ITGB2: variants seen among roughly 807,000 people sequenced by gnomAD.
ITGB2 encodes integrin subunit beta 2.
Under a neutral mutation model 86.8 loss-of-function variants are expected in ITGB2, and 56 were observed. That is an observed-to-expected ratio of 0.65 (90% confidence interval 0.52 to 0.81). The LOEUF is 0.81. Ranked by LOEUF, ITGB2 falls within the 30% of genes least tolerant of loss-of-function variation. The pLI, the probability that ITGB2 is intolerant of heterozygous loss-of-function variation, is 0.00. For synonymous variants in ITGB2, 457 were observed against 450.4 expected (o/e 1.01, Z -0.19); for missense variants, 948 against 1,061.2 (o/e 0.89, Z 1.48).
intron 15 of ITGB2, 126 bp from the exon 16 acceptor site, chr21:44,886,556 C>A: frequency 1.4e-6 from 2 of 1,392,766 alleles, no homozygotes; most frequent in Non-Finnish European, 2.0e-6. Flanking sequence ...GGGCAGCCCC[C>A]CCAGGGTCCC....
intron 4 of ITGB2, among the ~76,000 whole-genome samples, chr21:44,903,746 C>T (rs1056891169): frequency 3.3e-5 from 5 of 152,128 alleles, no homozygotes; most frequent in Admixed American, 3.3e-4. Context: ...ACATGACTCC[C>T]GGACGCAGGC....
intron 1 of ITGB2, among the ~76,000 whole-genome samples, chr21:44,927,469 C>G (rs1029591065): frequency 6.6e-6 from 1 of 152,088 alleles, no homozygotes; most frequent in Admixed American, 6.5e-5. Context: ...CTGGGGCCAC[C>G]CGGGAACCGC....
upstream of ITGB2, among the ~76,000 whole-genome samples, chr21:44,925,552 T>G (rs1482033442): frequency 6.6e-6 from 1 of 152,190 alleles, no homozygotes; most frequent in African/African-American, 2.4e-5. Flanking sequence ...TCTGGACTTG[T>G]GGTCTAACCC....
intron 4 of ITGB2, among the ~76,000 whole-genome samples, chr21:44,904,480 AACACACCACAAATATGCAC>A (rs2084013137): frequency 6.6e-6 from 1 of 151,768 alleles, no homozygotes; most frequent in Admixed American, 6.6e-5. Context: ...ACACACAGCA[AACACACCACAAATATGCAC>A]ACACACCACA....
chr21:44,905,991 T>A (rs1187708686), intron 4 of ITGB2, among the ~76,000 whole-genome samples: 1 of 152,126 alleles, frequency 6.6e-6, no homozygotes, highest in Non-Finnish European at 1.5e-5. Flanking sequence ...ACCCTCTCCC[T>A]GGGAGATGGC....
At chr21:44,924,157 C>T (rs55651003), upstream of ITGB2, among the ~76,000 whole-genome samples, 34,200 of 151,972 alleles carry the variant, frequency 0.23, 4,058 homozygotes, top group East Asian at 0.33. Context: ...AGGCCAGTCG[C>T]GGTGGCTCAC....
intron 8 of ITGB2, among the ~76,000 whole-genome samples, chr21:44,896,179 A>G (rs1383282112): frequency 6.6e-6 from 1 of 152,186 alleles, no homozygotes; most frequent in East Asian, 1.9e-4. Context: ...AGCTCGCAAT[A>G]TCACTGGGTT....
chr21:44,917,983 G>A (rs555542254), intron 1 of ITGB2, among the ~76,000 whole-genome samples: 7 of 152,316 alleles, frequency 4.6e-5, no homozygotes, highest in East Asian at 3.9e-4. Flanking sequence ...GCTCGGAATC[G>A]ACAAATGCAA....
rs539342727 is a variant in ITGB2, at chr21:44,885,982, A to AT, written c.*385dup. On this transcript the variant is annotated 3_prime_UTR_variant, in exon 16 of 16. Coordinates refer to ENST00000652462, the MANE Select transcript of ITGB2 (RefSeq NM_000211.5). ...CATGGACAGCCTGTATTGAAGTTTT[A>AT]TTTTTTTTCTATACACGTGATTGAT... The AT allele has an allele frequency of 3.0e-5, 9 of 302,468 alleles. No homozygotes were observed. The highest frequency in any genetic ancestry group is 1.7e-4 in the East Asian group (2 of 11,550). 18.7% of individuals were successfully genotyped at this position (302,468 alleles called of 1,614,324 possible).
At chr21:44,927,227 C>G (rs950907771) in intron 1 of ITGB2, among the ~76,000 whole-genome samples, 1 of 152,152 alleles carries the variant, frequency 6.6e-6, no homozygotes, top group Admixed American at 6.5e-5. Context: ...AAGAAAGATG[C>G]TAAGGATGGA....
chr21:44,912,730 G>A (rs1056846063), intron 1 of ITGB2, among the ~76,000 whole-genome samples: 36 of 152,094 alleles, frequency 2.4e-4, no homozygotes, highest in African/African-American at 7.5e-4. Flanking sequence ...TCGGTGCCAC[G>A]AGTGCCCACC....
rs61737080 is a variant in ITGB2 at position 44,893,482 on chromosome 21, G to T, written c.1146C>A (p.Tyr382Ter). Residue 382 changes from tyrosine to a stop codon, truncating the protein, a stop_gained, in exon 10 of 16, where the codon TAC becomes TAA. Coordinates refer to ENST00000652462, the MANE Select transcript of ITGB2 (RefSeq NM_000211.5). LOFTEE classifies it high-confidence loss of function. ...TCACTCCATTGCTGCAGAAGGAGTC[G>T]TAGGTGACTTTCAGGGTGTCGGGGA... is the stretch of plus-strand genomic sequence containing the variant. ...NALPDTLKVTYDSFCSNGVTH... is the reference protein window; with the variant it reads ...NALPDTLKVT 2.5e-6 allele frequency: 4 copies of T among 1,614,150 alleles called. No homozygotes were observed. The highest frequency in any genetic ancestry group is 3.4e-6 in the Non-Finnish European group (4 of 1,179,998).
At chr21:44,889,543 G>T in intron 12 of ITGB2, 48 bp from the exon 13 acceptor site, 1 of 1,504,898 alleles carries the variant, frequency 6.6e-7, no homozygotes. Context: ...CCTGGGAACC[G>T]AGACCCGCCC....
chr21:44,897,492 G>A (rs1294371880), intron 8 of ITGB2, among the ~76,000 whole-genome samples: 1 of 152,212 alleles, frequency 6.6e-6, no homozygotes, highest in African/African-American at 2.4e-5. Flanking sequence ...TCCGGATGAG[G>A]ATAATCGGGC....
intron 8 of ITGB2, 97 bp from the exon 9 acceptor site, chr21:44,895,157 T>C: frequency 1.1e-6 from 1 of 888,112 alleles, no homozygotes; most frequent in Non-Finnish European, 1.9e-6. Flanking sequence ...ACCTGCAAAA[T>C]GGCTGGGACG....
At chr21:44,888,157 A>G (rs1472098463) in intron 14 of ITGB2, among the ~76,000 whole-genome samples, 1 of 149,622 alleles carries the variant, frequency 6.7e-6, no homozygotes, top group Non-Finnish European at 1.5e-5. Flanking sequence ...AGACAGGGTC[A>G]GTGCCACCAA....
intron 13 of ITGB2, 122 bp downstream of exon 13, chr21:44,889,154 C>T (rs2083745978): frequency 4.2e-6 from 4 of 961,092 alleles, no homozygotes; most frequent in Non-Finnish European, 6.4e-6. Context: ...AGTCCAGACG[C>T]ACCCGCAGAG....
chr21:44,900,551 T>C, intron 6 of ITGB2, 76 bp from the exon 7 acceptor site: 1 of 1,577,530 alleles, frequency 6.3e-7, no homozygotes, highest in Non-Finnish European at 8.7e-7. Flanking sequence ...GAGGAGACGA[T>C]GCAGAGCTGG....
chr21:44,925,882 T>C (rs888762302), upstream of ITGB2, among the ~76,000 whole-genome samples: 2 of 152,036 alleles, frequency 1.3e-5, no homozygotes, highest in Admixed American at 1.3e-4. Flanking sequence ...TTCGAGACCA[T>C]CCTGGCTAAC....
Sources: allele counts gnomAD v4.1 joint callset (sites outside exome capture counted in the v4.1 genomes callset), GRCh38; gene constraint gnomAD v4.1.1; transcripts MANE v1.5; gene names NCBI Gene and HGNC (gene_info 2026-07-23, HGNC 2026-07-21).